Variants in MTMR1 observed in about 807,000 individuals in gnomAD.
The protein encoded by MTMR1 is phosphatidylinositol-3-phosphate phosphatase MTMR1.
Under a neutral mutation model 51.6 loss-of-function variants are expected in MTMR1, and 17 were observed. That is an observed-to-expected ratio of 0.33 (90% CI 0.23 to 0.49). MTMR1 has a LOEUF of 0.49. Ranked by LOEUF, MTMR1 falls within the 20% of genes least tolerant of loss-of-function variation. The pLI is 0.99. For synonymous variants in MTMR1, 201 were observed against 205.6 expected (o/e 0.98, Z 0.19); for missense variants, 386 against 526.9 (o/e 0.73, Z 2.62).
intron 11 of MTMR1, 58 bp downstream of exon 11, chrX:150,736,838 A>G (rs2042285974): frequency 3.9e-6 from 4 of 1,026,535 alleles, no homozygotes; most frequent in Admixed American, 6.2e-5. Flanking sequence ...TGCCTGTGCC[A>G]TAAATACGTA....
chrX:150,730,543 T>C lies in MTMR1; in HGVS notation c.676T>C (p.Tyr226His), dbSNP rs782550632. ...SNGQALFAFSYKEKFPINGWK... is the reference protein window; with the variant it reads ...SNGQALFAFSHKEKFPINGWK... The stretch of plus-strand genomic sequence containing the variant: ...TGTCCAGGCACTATTTGCATTCAGC[T>C]ATAAAGAAAAATTTCCAATTAATGG... Residue 226 changes from tyrosine to histidine, a missense_variant, in exon 8 of 16, where the codon TAT becomes CAT. Coordinates refer to ENST00000445323, the MANE Select transcript of MTMR1 (RefSeq NM_001306144.3). 1.7e-6 allele frequency: 2 copies of C among 1,173,830 alleles called. No individual in the cohort carries two copies. Among genetic ancestry groups the C allele is most frequent in the African/African-American group, 1.8e-5 (1 of 56,447 alleles).
chrX:150,725,999 A>T, intron 4 of MTMR1, among the ~76,000 whole-genome samples: 1 of 111,265 alleles, frequency 9.0e-6, no homozygotes, highest in Non-Finnish European at 1.9e-5. Flanking sequence ...CCACATTGTT[A>T]TTTTAGCTTT....
chrX:150,757,640 G>A (rs986484523), intron 15 of MTMR1, among the ~76,000 whole-genome samples: 3 of 111,899 alleles, frequency 2.7e-5, no homozygotes, highest in Non-Finnish European at 5.6e-5. Context: ...GCTTGAAGCA[G>A]ATCCCCCGTG....
At chrX:150,745,405 G>T (rs781794953) in intron 13 of MTMR1, among the ~76,000 whole-genome samples, 1 of 111,798 alleles carries the variant, frequency 8.9e-6, no homozygotes, top group African/African-American at 3.2e-5. Flanking sequence ...CCGGTGATCT[G>T]CGGGGATGCT....
At chrX:150,702,691 T>C (rs1371028456) in intron 2 of MTMR1, among the ~76,000 whole-genome samples, 1 of 111,820 alleles carries the variant, frequency 8.9e-6, no homozygotes, top group Admixed American at 9.5e-5. Flanking sequence ...ATTTAGTAGA[T>C]GTTATGGCTT....
chrX:150,745,512 GTC>G (rs782319301), intron 13 of MTMR1, among the ~76,000 whole-genome samples: 1 of 112,015 alleles, frequency 8.9e-6, no homozygotes, highest in Non-Finnish European at 1.9e-5. Flanking sequence ...ACTGCAGAAA[GTC>G]TGTGAAATAC....
intron 13 of MTMR1, among the ~76,000 whole-genome samples, chrX:150,747,452 C>T (rs1318033747): frequency 9.0e-6 from 1 of 110,914 alleles, no homozygotes; most frequent in African/African-American, 3.3e-5. Context: ...GAGACCCTGT[C>T]TCTAAAACAA....
intron 2 of MTMR1, among the ~76,000 whole-genome samples, chrX:150,710,242 G>C (rs1353823325): frequency 1.8e-5 from 2 of 112,169 alleles, no homozygotes. Context: ...CGGACTTCCA[G>C]GGTTTAACTG....
rs1174493058 is a variant in MTMR1 at position 150,757,295 on chromosome X, C to T, written c.1857+1430C>T. On this transcript the variant is annotated intron_variant, in intron 15 of 15. Coordinates refer to ENST00000445323, the MANE Select transcript of MTMR1 (RefSeq NM_001306144.3). ...CATGCTCCATCTGCTGGGTGCGCCC[C>T]GCTGCCCCAGGCCGCTGCTTGGCCA... is the stretch of plus-strand genomic sequence containing the variant. Among the ~76,000 whole-genome samples the T allele has an allele frequency of 5.3e-5, 6 of 112,713 alleles. No individual in the cohort carries two copies. The Admixed American group carries it at 5.6e-4, about 11-fold the overall frequency.
At chrX:150,743,939 T>G (rs901167656) in intron 12 of MTMR1, among the ~76,000 whole-genome samples, 20 of 112,324 alleles carry the variant, frequency 1.8e-4, no homozygotes, top group Non-Finnish European at 3.0e-4. Flanking sequence ...TTCTCAGACT[T>G]CCTGACATTT....
At chrX:150,704,896 A>G (rs2041041723) in intron 2 of MTMR1, among the ~76,000 whole-genome samples, 1 of 112,074 alleles carries the variant, frequency 8.9e-6, no homozygotes, top group Non-Finnish European at 1.9e-5. Context: ...AAAGAGAATC[A>G]AATCAACAGA....
chrX:150,736,925 C>G (rs2042289754), intron 11 of MTMR1, 145 bp downstream of exon 11: 12 of 620,282 alleles, frequency 1.9e-5, no homozygotes, highest in African/African-American at 6.8e-5. Context: ...AGACTGGGGT[C>G]TTTGTGGAGG....
chrX:150,696,796 C>A lies in MTMR1; in HGVS notation c.147-2399C>A, dbSNP rs1437199420. Among the ~76,000 whole-genome samples the A allele has an allele frequency of 2.7e-5, 3 of 111,078 alleles. No homozygotes were observed. The East Asian group carries it at 8.5e-4, about 31-fold the overall frequency. On this transcript the variant is annotated intron_variant, in intron 1 of 15. Coordinates refer to ENST00000445323, the MANE Select transcript of MTMR1 (RefSeq NM_001306144.3). ...AGGGGTGGGGTGGGGTGGGGAGTGG[C>A]CTCCAGCAGCTCTGGATACAGATCC...
At chrX:150,716,156 A>G (rs1361524850) in intron 3 of MTMR1, among the ~76,000 whole-genome samples, 3 of 112,990 alleles carry the variant, frequency 2.7e-5, no homozygotes, top group Non-Finnish European at 5.6e-5. Context: ...TTTTTAACAT[A>G]TAAGAAACTT....
intron 14 of MTMR1, among the ~76,000 whole-genome samples, chrX:150,754,864 A>G (rs1310323258): frequency 9.0e-6 from 1 of 110,563 alleles, no homozygotes; most frequent in Non-Finnish European, 1.9e-5. Context: ...TCTCCGCCAA[A>G]AAATACAAAA....
Position 150,751,005 on chromosome X carries a change from C to T in MTMR1, c.1680+162C>T. ...TTCTGGCCAGCCCCACCGCATGTGT[C>T]TAACACAAGCCCCTTCCTTTCTAGG... is the stretch of plus-strand genomic sequence containing the variant. On this transcript the variant is annotated intron_variant, in intron 14 of 15. Coordinates refer to ENST00000445323, the MANE Select transcript of MTMR1 (RefSeq NM_001306144.3). The T allele has an allele frequency of 2.6e-6, 3 of 1,148,577 alleles. No individual in the cohort carries two copies. The Middle Eastern group carries it at 7.4e-4, about 283-fold the overall frequency. The allele number at this position is 1,148,577 out of a possible 1,213,427, so 94.7% of individuals were successfully genotyped here.
intron 4 of MTMR1, chrX:150,726,993 A>T: frequency 3.7e-6 from 1 of 267,831 alleles, no homozygotes; most frequent in Non-Finnish European, 6.6e-6. Flanking sequence ...CCCTTTACTT[A>T]AAACCTCATT....
Position 150,718,619 on chromosome X carries a change from T to TTTG in MTMR1, c.277-6_277-5insTTG. 1.9e-6 allele frequency: 1 copy of TTTG among 524,757 alleles called. No individual in the cohort carries two copies. Among genetic ancestry groups the TTTG allele is most frequent in the Non-Finnish European group, 2.7e-6 (1 of 369,678 alleles). 43.2% of individuals were successfully genotyped at this position (524,757 alleles called of 1,213,427 possible). ...TTTTTTTTTTTTTTTTTTTTTTTTT[T>TTTG]GCCAGGCTCTAAGGGATGGAAATAA... On this transcript the variant is annotated splice_region_variant and splice_polypyrimidine_tract_variant and intron_variant, in intron 3 of 15. Transcript: ENST00000445323.
At chrX:150,758,296 A>G (rs73638265) in intron 15 of MTMR1, among the ~76,000 whole-genome samples, 9,173 of 110,384 alleles carry the variant, frequency 0.083, 485 homozygotes, top group African/African-American at 0.19. Context: ...ATATTGGGAC[A>G]GCTTTCTACC....
Sources: gnomAD v4.1 joint callset for allele counts (sites outside exome capture counted in the v4.1 genomes callset) on GRCh38, gnomAD v4.1.1 for gene constraint, MANE v1.5 for transcripts, NCBI Gene and HGNC (gene_info 2026-07-23, HGNC 2026-07-21) for gene names.